The following TOGARAM2 variants were observed in gnomAD, a reference collection of about 807,000 sequenced individuals.
The protein encoded by TOGARAM2 is TOG array regulator of axonemal microtubules protein 2.
Under a neutral mutation model 93.3 loss-of-function variants are expected in TOGARAM2, and 85 were observed. The observed-to-expected ratio is 0.91, with a 90% CI of 0.76 to 1.09. The LOEUF (loss-of-function observed/expected upper bound fraction) is 1.09, where lower values mean the gene tolerates loss of function less well. Among genes scored for constraint, TOGARAM2 ranks in the 50% least tolerant of loss-of-function variants. TOGARAM2 has a pLI of 0.00. For synonymous variants in TOGARAM2, 593 were observed against 552.8 expected (o/e 1.07, Z -1.02); for missense variants, 1,277 against 1,334.5 (o/e 0.96, Z 0.67).
rs769943132 is a variant in TOGARAM2, at chr2:29,003,577, AG to A, written c.727del (p.Ala243ProfsTer29). On this transcript the variant is annotated frameshift_variant, in exon 6 of 20. Coordinates refer to ENST00000379558, the MANE Select transcript of TOGARAM2 (RefSeq NM_199280.4). LOFTEE classifies it high-confidence loss of function. ...GCCATCGTGATCCCACCCATCCCAA[AG>A]GCCAGGACGGTTGCAGCGACCCCCT... ...LGAIVIPPIP[K>X]ARTVAATPSR... 5.6e-6 allele frequency: 9 copies of A among 1,595,280 alleles called. No homozygotes were observed. In the African/African-American group the frequency reaches 1.2e-4, roughly 22 times the overall value.
At chr2:29,015,423 T>G (rs947125649) in intron 8 of TOGARAM2, among the ~76,000 whole-genome samples, 2 of 152,218 alleles carry the variant, frequency 1.3e-5, no homozygotes, top group African/African-American at 2.4e-5. Flanking sequence ...TCAATCCAGC[T>G]AATCCTTCAG....
At chr2:29,009,209 G>A (rs969300670) in intron 6 of TOGARAM2, among the ~76,000 whole-genome samples, 1 of 152,204 alleles carries the variant, frequency 6.6e-6, no homozygotes, top group Non-Finnish European at 1.5e-5. Flanking sequence ...GCACACTTGC[G>A]AGATGGAGAT....
At chr2:29,013,105 C>T (rs553016860) in intron 7 of TOGARAM2, among the ~76,000 whole-genome samples, 25 of 152,262 alleles carry the variant, frequency 1.6e-4, no homozygotes, top group Non-Finnish European at 2.8e-4. Flanking sequence ...CTTGCAGGTT[C>T]ACCCAAGGAC....
chr2:29,040,287 G>A (rs538886306), intron 18 of TOGARAM2, among the ~76,000 whole-genome samples: 7 of 152,182 alleles, frequency 4.6e-5, no homozygotes, highest in East Asian at 1.9e-4. Flanking sequence ...TTAGAAAACC[G>A]AAAGTTCACT....
intron 1 of TOGARAM2, among the ~76,000 whole-genome samples, chr2:28,975,269 A>T (rs1304928672): frequency 6.6e-6 from 1 of 151,776 alleles, no homozygotes; most frequent in Non-Finnish European, 1.5e-5. Context: ...GCTCACTGCA[A>T]GCTCCACCTC....
chr2:29,006,412 T>TG (rs1663869493), intron 6 of TOGARAM2, among the ~76,000 whole-genome samples: 1 of 94,588 alleles, frequency 1.1e-5, no homozygotes, highest in Non-Finnish European at 2.6e-5. Flanking sequence ...GCATGTGTGT[T>TG]CATGTGTATC....
intron 10 of TOGARAM2, among the ~76,000 whole-genome samples, chr2:29,019,297 C>A (rs1185337890): frequency 6.6e-6 from 1 of 151,638 alleles, no homozygotes; most frequent in Non-Finnish European, 1.5e-5. Context: ...CTTGCCTCAG[C>A]CTCCTGAGTA....
At chr2:29,042,667 C>T (rs571003996) in intron 18 of TOGARAM2, among the ~76,000 whole-genome samples, 2 of 152,312 alleles carry the variant, frequency 1.3e-5, no homozygotes, top group South Asian at 4.2e-4. Flanking sequence ...ACAGCTGCGC[C>T]GGCTCTCCCT....
intron 14 of TOGARAM2, among the ~76,000 whole-genome samples, chr2:29,031,457 A>T (rs978948482): frequency 5.3e-5 from 8 of 152,222 alleles, no homozygotes; most frequent in African/African-American, 1.9e-4. Flanking sequence ...TAAATTTTTA[A>T]ATTTATTTTC....
chr2:29,051,838 C>T lies in TOGARAM2; in HGVS notation c.2805C>T (p.Thr935=), dbSNP rs61749512. 188,609 of 1,565,750 alleles carry T rather than the reference C, an allele frequency of 0.12. 15,768 individuals are homozygous for T. Among genetic ancestry groups the T allele is most frequent in the East Asian group, 0.52 (21,676 of 41,652 alleles). ...VLPILWHFLN[T]ATRNGTLPGP... is the part of the protein sequence containing the mutation. ...CCATCCTCTGGCACTTCCTGAACACCGCCACCAGGAATGGCACCCTGCCTG... is the reference window on the plus strand; with the variant it reads ...CCATCCTCTGGCACTTCCTGAACACTGCCACCAGGAATGGCACCCTGCCTG... The change falls in exon 20 of 20, where the codon ACC becomes ACT. Residue 935 remains threonine (T), a synonymous_variant. Coordinates refer to ENST00000379558, the MANE Select transcript of TOGARAM2 (RefSeq NM_199280.4).
chr2:28,988,700 TC>T, intron 1 of TOGARAM2, among the ~76,000 whole-genome samples: 1 of 152,192 alleles, frequency 6.6e-6, no homozygotes, highest in Non-Finnish European at 1.5e-5. Context: ...CTCCAACCTC[TC>T]TCCTGCCTTT....
At chr2:28,995,918 AG>A in intron 2 of TOGARAM2, among the ~76,000 whole-genome samples, 2 of 152,298 alleles carry the variant, frequency 1.3e-5, no homozygotes, top group South Asian at 4.1e-4. Flanking sequence ...CTGAGCCAGG[AG>A]GGTGTGGGAC....
intron 1 of TOGARAM2, among the ~76,000 whole-genome samples, chr2:28,961,211 C>T (rs1238054100): frequency 6.6e-6 from 1 of 152,094 alleles, no homozygotes; most frequent in Admixed American, 6.6e-5. Context: ...TGATATGCCA[C>T]TGCTTGGAGG....
At chr2:29,027,101 G>T (rs567466397) in intron 14 of TOGARAM2, 90 bp downstream of exon 14, 311 of 1,327,402 alleles carry the variant, frequency 2.3e-4, no homozygotes, top group Middle Eastern at 5.3e-4. Context: ...GCTTCCCTGG[G>T]ATCCTGCAGA....
upstream of TOGARAM2, among the ~76,000 whole-genome samples, chr2:28,978,755 G>A (rs568237860): frequency 4.6e-4 from 70 of 152,154 alleles, no homozygotes; most frequent in Admixed American, 9.8e-4. Context: ...TTTGTTCATC[G>A]GTTCTGGGGG....
chr2:29,034,571 G>A (rs1665967482), intron 16 of TOGARAM2, among the ~76,000 whole-genome samples: 1 of 152,228 alleles, frequency 6.6e-6, no homozygotes, highest in African/African-American at 2.4e-5. Flanking sequence ...GGGACAGTGG[G>A]CTCTGCTGGA....
rs995201319 is a variant in TOGARAM2 at position 29,011,392 on chromosome 2, C to T, written c.831-63C>T. The T allele has an allele frequency of 1.6e-5, 25 of 1,542,620 alleles. No homozygotes were observed. In the Admixed American group the frequency reaches 2.3e-4, roughly 14 times the overall value. ...CCCCATCCTGGAGCCACCCTGGGCT[C>T]CCCCAGCAGTGTCTCTGGCTGGCCA... On this transcript the variant is annotated intron_variant, in intron 6 of 19. Coordinates refer to ENST00000379558, the MANE Select transcript of TOGARAM2 (RefSeq NM_199280.4).
chr2:28,962,724 C>G (rs910417727), intron 1 of TOGARAM2, among the ~76,000 whole-genome samples: 8 of 150,932 alleles, frequency 5.3e-5, no homozygotes, highest in Non-Finnish European at 1.2e-4. Flanking sequence ...TCTCCCTCTG[C>G]CTCTCTGTCT....
At chr2:28,957,328 C>G (rs1671735296) in intron 1 of TOGARAM2, among the ~76,000 whole-genome samples, 1 of 151,916 alleles carries the variant, frequency 6.6e-6, no homozygotes, top group Non-Finnish European at 1.5e-5. Context: ...TTACAGGCGC[C>G]CGCCACCACG....
Sources: allele counts gnomAD v4.1 joint callset (sites outside exome capture counted in the v4.1 genomes callset), GRCh38; gene constraint gnomAD v4.1.1; transcripts MANE v1.5; gene names NCBI Gene and HGNC (gene_info 2026-07-23, HGNC 2026-07-21).